Variants in SGSH observed in about 807,000 individuals in gnomAD.
SGSH encodes the protein N-sulfoglucosamine sulfohydrolase, also known as heparan sulfate sulfatase.
A neutral mutation model predicts 51.0 loss-of-function variants in SGSH; 48 were observed. The observed-to-expected ratio is 0.94, with a 90% CI of 0.75 to 1.20. The LOEUF (loss-of-function observed/expected upper bound fraction) is 1.20. SGSH is among the 50% of genes most tolerant of loss of function. The pLI, the probability that SGSH is intolerant of heterozygous loss-of-function variation, is 0.00. For synonymous variants in SGSH, 321 were observed against 313.4 expected, an observed-to-expected ratio of 1.02 and a Z score of -0.26; for missense variants, 662 against 717.8, an observed-to-expected ratio of 0.92 and a Z score of 0.89.
chr17:80,215,256 T>G (rs2041847460), intron 2 of SGSH, 118 bp from the exon 3 acceptor site: 3 of 742,588 alleles, frequency 4.0e-6, no homozygotes, highest in Non-Finnish European at 7.1e-6. Flanking sequence ...GATTTAGACT[T>G]CGAGTGGCCA....
rs751436563 is a variant in SGSH, at chr17:80,213,762, C to A, written c.745+42G>T. The A allele has an allele frequency of 6.5e-7, 1 of 1,535,044 alleles. No individual in the cohort carries two copies. The highest frequency in any genetic ancestry group is 2.3e-5 in the East Asian group (1 of 43,608). On this transcript the variant is annotated intron_variant, in intron 6 of 7. Coordinates refer to ENST00000326317, the MANE Select transcript of SGSH (RefSeq NM_000199.5). This position sits in a 1 kb window ranked among gnomAD's most constrained non-coding sequence, Gnocchi z 4.6. ...GGCGCTGGCCCAGGATGGGGGACCCCGGCCGTGGCACCCCCTCCAGTGCCC... is the reference window on the plus strand; with the variant it reads ...GGCGCTGGCCCAGGATGGGGGACCCAGGCCGTGGCACCCCCTCCAGTGCCC...
chr17:80,203,920 G>A, downstream of SGSH: 1 of 1,542,978 alleles, frequency 6.5e-7, no homozygotes, highest in Non-Finnish European at 8.8e-7. This position sits in a 1 kb window ranked among gnomAD's most constrained non-coding sequence, Gnocchi z 4.6. Flanking sequence ...ACCCCACTGG[G>A]GTGGGCTGGA....
In SGSH at chr17:80,210,309, C is replaced by T; in HGVS notation, c.*143G>A. 1 of 1,439,258 alleles carries T rather than the reference C, an allele frequency of 6.9e-7. No homozygotes were observed. Among genetic ancestry groups the T allele is most frequent in the Non-Finnish European group, 9.1e-7 (1 of 1,099,904 alleles). 89.2% of individuals were successfully genotyped at this position (1,439,258 alleles called of 1,614,324 possible). ...CCTCCAGGCAATGGCAAGAGTGACC[C>T]CACAGGAAGGAAGAACCCTCCTTGG... On this transcript the variant is annotated 3_prime_UTR_variant, in exon 8 of 8. Coordinates refer to ENST00000326317, the MANE Select transcript of SGSH (RefSeq NM_000199.5).
rs1428585390 is a variant in SGSH, at chr17:80,210,390, C to G, written c.*62G>C. 8 of 1,502,242 alleles carry G rather than the reference C, an allele frequency of 5.3e-6. No homozygotes were observed. In the African/African-American group the frequency reaches 5.5e-5, roughly 10 times the overall value. 93.1% of individuals were successfully genotyped at this position (1,502,242 alleles called of 1,614,324 possible). The stretch of plus-strand genomic sequence containing the variant: ...CTACTCCCCAGGCTGGCCGGCCACA[C>G]GGACACGTGTGGGATGTGTCTGGGA... On this transcript the variant is annotated 3_prime_UTR_variant, in exon 8 of 8. Transcript: ENST00000326317.
rs751066044 is a variant in SGSH at position 80,213,988 on chromosome 17, C to T, written c.664-103G>A. The stretch of plus-strand genomic sequence containing the variant: ...CTGCAAATGGGTTAGCCCAGAACAG[C>T]CTCACTCCGGACCACCCCGTCTCTC... On this transcript the variant is annotated intron_variant, in intron 5 of 7. Coordinates refer to ENST00000326317, the MANE Select transcript of SGSH (RefSeq NM_000199.5). This position sits in a 1 kb window ranked among gnomAD's most constrained non-coding sequence, Gnocchi z 4.6. The T allele has an allele frequency of 7.5e-7, 1 of 1,336,544 alleles. No individual in the cohort carries two copies. Among genetic ancestry groups the T allele is most frequent in the Non-Finnish European group, 1.0e-6 (1 of 960,350 alleles). The allele number at this position is 1,336,544 out of a possible 1,614,324, so 82.8% of individuals were successfully genotyped here. A position where few individuals can be genotyped will look rare whatever the true frequency, so the allele number is the denominator to read the frequency against.
chr17:80,208,574 G>C (rs2041483061), downstream of SGSH: 1 of 487,542 alleles, frequency 2.1e-6, no homozygotes, highest in African/African-American at 2.0e-5. Flanking sequence ...CCTTTACCAG[G>C]CTTGGCATGG....
downstream of SGSH, chr17:80,202,020 C>T: frequency 8.0e-7 from 1 of 1,255,986 alleles, no homozygotes; most frequent in South Asian, 1.4e-5. Flanking sequence ...CCCAGGAGGC[C>T]CCCAAGCCAG....
chr17:80,214,442 G>A, intron 4 of SGSH, 114 bp from the exon 5 acceptor site: 1 of 1,356,032 alleles, frequency 7.4e-7, no homozygotes. Context: ...GACCCTCACT[G>A]CCTCAGTTTC....
In SGSH at chr17:80,209,863, C is replaced by T; in HGVS notation, c.*589G>A. The T allele has an allele frequency of 1.0e-6, 1 of 989,426 alleles. No homozygotes were observed. The highest frequency in any genetic ancestry group is 1.2e-6 in the Non-Finnish European group (1 of 832,336). 61.3% of individuals were successfully genotyped at this position (989,426 alleles called of 1,614,324 possible). A position where few individuals can be genotyped will look rare whatever the true frequency, so the allele number is the denominator to read the frequency against. On this transcript the variant is annotated 3_prime_UTR_variant, in exon 8 of 8. Transcript: ENST00000326317. ...ACCTGCCTGGGGAACAGGGACTTGA[C>T]CATGGGGCAAAACAGAAGAAGCAGA...
At chr17:80,204,449 G>A, downstream of SGSH, 3 of 1,075,158 alleles carry the variant, frequency 2.8e-6, no homozygotes, top group Non-Finnish European at 3.9e-6. Flanking sequence ...ACTCATTTAG[G>A]CCAGGATCTG....
chr17:80,215,916 G>A (rs1267288429), intron 2 of SGSH, among the ~76,000 whole-genome samples: 1 of 152,232 alleles, frequency 6.6e-6, no homozygotes, highest in Non-Finnish European at 1.5e-5. Flanking sequence ...ATATGGAGAA[G>A]CAAAATACGG....
chr17:80,201,610 G>T, the SGSH span: 1 of 883,818 alleles, frequency 1.1e-6, no homozygotes. The surrounding 1 kb of genome is among the most constrained non-coding windows in gnomAD (Gnocchi z 5.0). Flanking sequence ...GCTTTGTTTT[G>T]ACCAAGGCGT....
downstream of SGSH, chr17:80,202,065 A>G (rs745476495): frequency 7.3e-6 from 9 of 1,226,408 alleles, no homozygotes; most frequent in Non-Finnish European, 1.0e-5. Flanking sequence ...CCAGTGCCAG[A>G]GCAGCTTCTG....
At chr17:80,205,030 C>G, downstream of SGSH, 2 of 1,574,488 alleles carry the variant, frequency 1.3e-6, no homozygotes, top group South Asian at 1.2e-5. Context: ...TCCTCTCCTC[C>G]ACAGGCTCCA....
chr17:80,210,999 G>A lies in SGSH; in HGVS notation c.962C>T (p.Thr321Ile), dbSNP rs2144699541. The change falls in exon 8 of 8, where the codon ACC becomes ATC. Residue 321 changes from threonine (T) to isoleucine (I), a missense_variant. Thr to Ile is a moderately conservative substitution (Grantham distance 89). Transcript: ENST00000326317. ...CGGGATCGAGAACCAATCCAAGATG[G>A]TGGGCGTGAGGTCTGGAAGGGACGC... is the stretch of plus-strand genomic sequence containing the variant. ...AYVSLLDLTP[T>I]ILDWFSIPYP... The A allele has an allele frequency of 1.3e-6, 2 of 1,598,614 alleles. No homozygotes were observed. The highest frequency in any genetic ancestry group is 1.7e-6 in the Non-Finnish European group (2 of 1,179,824).
chr17:80,205,811 A>G (rs1410913888), downstream of SGSH: 4 of 643,104 alleles, frequency 6.2e-6, no homozygotes, highest in African/African-American at 1.9e-5. Context: ...CCCAAAACTC[A>G]TCTCAGCCAG....
the SGSH span, chr17:80,201,139 T>G: frequency 6.5e-6 from 1 of 153,742 alleles, no homozygotes; most frequent in African/African-American, 2.4e-5. This position sits in a 1 kb window ranked among gnomAD's most constrained non-coding sequence, Gnocchi z 5.0. Context: ...CCCGATATCC[T>G]AAGGGGGCCA....
downstream of SGSH, chr17:80,204,945 A>G (rs1210978122): frequency 1.7e-6 from 2 of 1,149,096 alleles, no homozygotes; most frequent in Non-Finnish European, 1.2e-6. Flanking sequence ...TGCTGCAGTG[A>G]GCAAAGCAGA....
rs2041705776 is a variant in SGSH, at chr17:80,212,389, G to A, written c.746-115C>T. On this transcript the variant is annotated intron_variant, in intron 6 of 7. Transcript: ENST00000326317. The surrounding 1 kb of genome is among the most constrained non-coding windows in gnomAD (Gnocchi z 5.9). ...GGCCGCTGGGCTCCAGCGCTTTCCG[G>A]ATTCGAAAGCACCCTGTAGTTCTTC... 1.9e-5 allele frequency: 17 copies of A among 902,558 alleles called. No homozygotes were observed. Among genetic ancestry groups the A allele is most frequent in the Non-Finnish European group, 1.9e-5 (11 of 565,294 alleles). 55.9% of individuals were successfully genotyped at this position (902,558 alleles called of 1,614,324 possible).
Sources: allele counts gnomAD v4.1 joint callset (sites outside exome capture counted in the v4.1 genomes callset), GRCh38; gene constraint gnomAD v4.1.1; non-coding constraint Gnocchi (gnomAD v3.1); transcripts MANE v1.5; gene names NCBI Gene and HGNC (gene_info 2026-07-23, HGNC 2026-07-21).